Variants in PRSS23 observed in about 807,000 individuals in gnomAD.
The protein encoded by PRSS23 is serine protease 23, also known as protease, serine 23.
In PRSS23, 25 loss-of-function variants were observed where a neutral mutation model predicts 34.7. The observed-to-expected ratio is 0.72, with a 90% CI of 0.53 to 1.01. The LOEUF (loss-of-function observed/expected upper bound fraction) is 1.01. PRSS23 is among the 50% of genes least tolerant of loss of function. The pLI, the probability that PRSS23 is intolerant of heterozygous loss-of-function variation, is 0.00. For synonymous variants in PRSS23, 176 were observed against 186.6 expected (o/e 0.94, Z 0.46); for missense variants, 445 against 475.6 (o/e 0.94, Z 0.60).
At chr11:86,827,573 T>C (rs552967255) in intron 2 of PRSS23, among the ~76,000 whole-genome samples, 1 of 152,372 alleles carries the variant, frequency 6.6e-6, no homozygotes, top group South Asian at 2.1e-4. Flanking sequence ...CTAGTTCTTT[T>C]AATTGTGATG....
At chr11:86,883,755 A>G (rs1948785379) in intron 2 of PRSS23, among the ~76,000 whole-genome samples, 1 of 152,174 alleles carries the variant, frequency 6.6e-6, no homozygotes, top group African/African-American at 2.4e-5. Context: ...TGTATCCTAT[A>G]TGTTTTGGTA....
At chr11:86,798,254 A>C (rs1947994400), upstream of PRSS23, among the ~76,000 whole-genome samples, 1 of 152,246 alleles carries the variant, frequency 6.6e-6, no homozygotes, top group Non-Finnish European at 1.5e-5. Context: ...ATTCTGGATC[A>C]TTGGGATGAC....
intron 2 of PRSS23, among the ~76,000 whole-genome samples, chr11:86,826,736 A>G (rs976075487): frequency 2.6e-5 from 4 of 152,226 alleles, no homozygotes; most frequent in South Asian, 2.1e-4. Flanking sequence ...CCTTTTCTGC[A>G]TCTATTGAGA....
chr11:86,893,380 G>C (rs1179062761), intron 2 of PRSS23, among the ~76,000 whole-genome samples: 2 of 152,162 alleles, frequency 1.3e-5, no homozygotes, highest in Non-Finnish European at 2.9e-5. Flanking sequence ...TATACTTACT[G>C]TGTGTTATGC....
At chr11:86,846,909 A>T (rs1454138327) in intron 2 of PRSS23, among the ~76,000 whole-genome samples, 2 of 152,314 alleles carry the variant, frequency 1.3e-5, no homozygotes, top group South Asian at 2.1e-4. Flanking sequence ...TGTAATTTTC[A>T]TGTGGATAGT....
intron 2 of PRSS23, among the ~76,000 whole-genome samples, chr11:86,849,652 A>G (rs1488526795): frequency 6.6e-6 from 1 of 152,236 alleles, no homozygotes; most frequent in East Asian, 1.9e-4. Flanking sequence ...CCCCAATTCT[A>G]GAATTACAAA....
rs544888000 is a variant in PRSS23 at position 86,823,318 on chromosome 11, C to T, written c.-11-59C>T. On this transcript the variant is annotated intron_variant, in intron 1 of 2. Transcript: ENST00000533902. ...CGGTCCGAGATGTAGAATAGCTAACCTAATTTAGTGTAAAGCCAGGACTTT... is the reference window on the plus strand; with the variant it reads ...CGGTCCGAGATGTAGAATAGCTAACTTAATTTAGTGTAAAGCCAGGACTTT... 3 of 691,470 alleles carry T rather than the reference C, an allele frequency of 4.3e-6. No individual in the cohort carries two copies. In the East Asian group the frequency reaches 8.1e-5, roughly 19 times the overall value. The allele number at this position is 691,470 out of a possible 1,614,324, so 42.8% of individuals were successfully genotyped here.
chr11:86,847,840 C>T (rs12795597), intron 2 of PRSS23, among the ~76,000 whole-genome samples: 29,564 of 152,086 alleles, frequency 0.19, 2,985 homozygotes, highest in Non-Finnish European at 0.21. Context: ...AAGTCCCTTA[C>T]GTACAGGCTT....
intron 2 of PRSS23, among the ~76,000 whole-genome samples, chr11:86,894,023 T>C (rs1718939893): frequency 6.6e-6 from 1 of 152,146 alleles, no homozygotes; most frequent in Admixed American, 6.6e-5. Context: ...TGTTTTTGTT[T>C]TTGTTTTTGA....
At chr11:86,826,056 T>G (rs1948298067) in intron 2 of PRSS23, among the ~76,000 whole-genome samples, 1 of 152,176 alleles carries the variant, frequency 6.6e-6, no homozygotes, top group South Asian at 2.1e-4. Context: ...ATTGAATCTA[T>G]AAATTACCTT....
intron 2 of PRSS23, among the ~76,000 whole-genome samples, chr11:86,886,465 C>G (rs1161421679): frequency 6.6e-6 from 1 of 152,218 alleles, no homozygotes; most frequent in East Asian, 1.9e-4. Flanking sequence ...TAAAACTGTA[C>G]TGCAGCTCAG....
chr11:86,951,026 A>T, intron 2 of PRSS23: 1 of 1,131,174 alleles, frequency 8.8e-7, no homozygotes, highest in Non-Finnish European at 1.3e-6. Context: ...GGGGTCACTT[A>T]ATTGTTGCTA....
chr11:86,911,530 T>C (rs1232369398), intron 2 of PRSS23: 1 of 152,170 alleles, frequency 6.6e-6, no homozygotes, highest in Non-Finnish European at 1.5e-5. Context: ...TATGTGCATA[T>C]GTACCCATTG....
chr11:86,939,089 AATC>A (rs1949183225), intron 2 of PRSS23: 2 of 426,200 alleles, frequency 4.7e-6, no homozygotes, highest in South Asian at 3.4e-5. Context: ...GGCTCTGAGG[AATC>A]ATCAATCAAG....
At chr11:86,856,339 A>T (rs1948570969) in intron 2 of PRSS23, among the ~76,000 whole-genome samples, 1 of 149,834 alleles carries the variant, frequency 6.7e-6, no homozygotes, top group Non-Finnish European at 1.5e-5. Flanking sequence ...AAAAAAAAAA[A>T]ATCTGCATGC....
At position 86,822,117 on chromosome 11, in the gene PRSS23, T is replaced by G. The variant is rs369063628; in HGVS notation, c.-11-1260T>G. Among the ~76,000 whole-genome samples the G allele has an allele frequency of 2.1e-4, 32 of 152,292 alleles. No individual in the cohort carries two copies. In the East Asian group the frequency reaches 3.9e-3, roughly 18 times the overall value. ...TTATCAAGCACATAATAGGGGTTCA[T>G]TTATTTATTCGTTCATTTGGCAAAT... On this transcript the variant is annotated intron_variant, in intron 1 of 2. Transcript: ENST00000533902.
intron 2 of PRSS23, chr11:86,933,514 C>G (rs1949140278): frequency 6.6e-6 from 1 of 152,208 alleles, no homozygotes; most frequent in Non-Finnish European, 1.5e-5. Context: ...AGAGAAAGTA[C>G]TGCATATTTC....
At chr11:86,873,190 A>G (rs532838059) in intron 2 of PRSS23, among the ~76,000 whole-genome samples, 7 of 139,922 alleles carry the variant, frequency 5.0e-5, no homozygotes, top group African/African-American at 1.6e-4. Flanking sequence ...ATATATATAC[A>G]TATATATACA....
At chr11:86,951,706 T>C in exon 3 of PRSS23, 1 of 1,614,184 alleles carries the variant, frequency 6.2e-7, no homozygotes, top group Non-Finnish European at 8.5e-7. Flanking sequence ...TGGCCCAGGC[T>C]GCAATGTGGA....
Sources: allele counts gnomAD v4.1 joint callset (sites outside exome capture counted in the v4.1 genomes callset), GRCh38; gene constraint gnomAD v4.1.1; transcripts MANE v1.5; gene names NCBI Gene and HGNC (gene_info 2026-07-23, HGNC 2026-07-21).